SLC25A48: variants seen among roughly 807,000 people sequenced by gnomAD.
The protein encoded by SLC25A48 is solute carrier family 25 member 48, also known as CTC-321K16.1.
Under a neutral mutation model 32.2 loss-of-function variants are expected in SLC25A48, and 29 were observed. The observed-to-expected ratio is 0.90, with a 90% confidence interval of 0.67 to 1.23. SLC25A48 has a LOEUF of 1.23. Ranked by LOEUF, SLC25A48 falls within the 50% of genes most tolerant of loss-of-function variation. The probability of loss-of-function intolerance (pLI) is 0.00; values close to 1 mark genes in which losing one functional copy is unlikely to be tolerated. For missense variants in SLC25A48, 399 were observed against 422.7 expected (o/e 0.94, Z 0.49); for synonymous variants, 164 against 172.3 (o/e 0.95, Z 0.38).
intron 3 of SLC25A48, among the ~76,000 whole-genome samples, chr5:135,687,084 C>T (rs1754035237): frequency 1.3e-5 from 2 of 152,114 alleles, no homozygotes; most frequent in South Asian, 4.2e-4. Flanking sequence ...TTTTCATGCC[C>T]AAAGATCATG....
intron 3 of SLC25A48, chr5:135,742,344 G>T: frequency 3.6e-6 from 3 of 836,970 alleles, no homozygotes; most frequent in South Asian, 2.6e-5. Context: ...GCCTCCCACA[G>T]TGCTGGGATT....
intron 3 of SLC25A48, among the ~76,000 whole-genome samples, chr5:135,637,016 G>T (rs567883963): frequency 6.7e-4 from 102 of 152,310 alleles, no homozygotes; most frequent in Non-Finnish European, 9.4e-4. Flanking sequence ...TTAAAAGCCA[G>T]CTGCTGTGAA....
intron 1 of SLC25A48, among the ~76,000 whole-genome samples, chr5:135,606,457 C>G (rs1751933735): frequency 6.6e-6 from 1 of 152,226 alleles, no homozygotes; most frequent in African/African-American, 2.4e-5. Context: ...CAGAGCACCA[C>G]CAGGTCACAA....
intron 3 of SLC25A48, among the ~76,000 whole-genome samples, chr5:135,809,075 G>A (rs1444554613): frequency 2.6e-5 from 4 of 152,030 alleles, no homozygotes; most frequent in African/African-American, 9.7e-5. Context: ...GCTAAGACGG[G>A]AGGATCGCTT....
chr5:135,870,410 C>A (rs1761543239), intron 4 of SLC25A48, among the ~76,000 whole-genome samples: 1 of 152,204 alleles, frequency 6.6e-6, no homozygotes, highest in Non-Finnish European at 1.5e-5. Context: ...GCAGAGAAGA[C>A]AAGCATCAGA....
At chr5:135,860,532 C>T (rs866079998) in intron 4 of SLC25A48, among the ~76,000 whole-genome samples, 2 of 152,052 alleles carry the variant, frequency 1.3e-5, no homozygotes, top group African/African-American at 2.4e-5. Context: ...TTGGATCCTC[C>T]GATTTTTAAG....
intron 7 of SLC25A48, chr5:135,883,359 A>G (rs996609655): frequency 2.2e-5 from 22 of 985,122 alleles, no homozygotes; most frequent in African/African-American, 1.0e-4. Flanking sequence ...AGTAAAATAG[A>G]CCCTCCCCCC....
chr5:135,602,650 C>T (rs1224025357), intron 1 of SLC25A48, among the ~76,000 whole-genome samples: 1 of 145,854 alleles, frequency 6.9e-6, no homozygotes, highest in Non-Finnish European at 1.5e-5. Flanking sequence ...TTTTAGGGTA[C>T]ATGTGCACAA....
At chr5:135,658,968 C>T (rs115480084) in intron 3 of SLC25A48, among the ~76,000 whole-genome samples, 83 of 152,288 alleles carry the variant, frequency 5.5e-4, no homozygotes, top group Non-Finnish European at 1.0e-3. Context: ...CCTCTAGACC[C>T]GTGATGGGAG....
intron 3 of SLC25A48, among the ~76,000 whole-genome samples, chr5:135,784,729 G>T (rs1756794495): frequency 8.5e-6 from 1 of 117,940 alleles, no homozygotes; most frequent in African/African-American, 2.6e-5. Flanking sequence ...TCCCTCCATA[G>T]TATTTTTCCT....
chr5:135,803,863 C>T (rs1176162510), intron 3 of SLC25A48, among the ~76,000 whole-genome samples: 1 of 151,604 alleles, frequency 6.6e-6, no homozygotes, highest in Non-Finnish European at 1.5e-5. Context: ...TCACTGTCTA[C>T]ACCCTCTGTG....
At chr5:135,744,973 C>T (rs1466989249) in intron 3 of SLC25A48, among the ~76,000 whole-genome samples, 12 of 152,092 alleles carry the variant, frequency 7.9e-5, no homozygotes, top group East Asian at 5.8e-4. Context: ...AACCAGGAGG[C>T]GGAGGTTGCA....
At chr5:135,767,965 G>T (rs1378808626) in intron 3 of SLC25A48, among the ~76,000 whole-genome samples, 1 of 143,880 alleles carries the variant, frequency 7.0e-6, no homozygotes, top group East Asian at 2.1e-4. Flanking sequence ...CCGGGGGGGG[G>T]AGAGGATAAT....
chr5:135,859,447 G>A (rs1409690001), intron 4 of SLC25A48, among the ~76,000 whole-genome samples: 1 of 152,148 alleles, frequency 6.6e-6, no homozygotes, highest in Non-Finnish European at 1.5e-5. Context: ...GGGATTATGG[G>A]AGCTACAATT....
intron 1 of SLC25A48, among the ~76,000 whole-genome samples, chr5:135,589,777 C>T (rs1751465363): frequency 6.6e-6 from 1 of 152,188 alleles, no homozygotes; most frequent in Non-Finnish European, 1.5e-5. Context: ...TCACTGCAAC[C>T]TCTGCCTCCT....
chr5:135,792,158 A>G (rs143511954), intron 3 of SLC25A48, among the ~76,000 whole-genome samples: 1 of 151,952 alleles, frequency 6.6e-6, no homozygotes, highest in African/African-American at 2.4e-5. Context: ...TGTTACTCCT[A>G]ATGTAACTTG....
chr5:135,814,588 C>A (rs1406769429), intron 4 of SLC25A48, among the ~76,000 whole-genome samples: 1 of 152,166 alleles, frequency 6.6e-6, no homozygotes, highest in Non-Finnish European at 1.5e-5. Context: ...AGCAAGCATG[C>A]TTTTCCTGCA....
chr5:135,851,381 T>C (rs1036699806), intron 3 of SLC25A48, among the ~76,000 whole-genome samples: 1 of 152,202 alleles, frequency 6.6e-6, no homozygotes, highest in East Asian at 1.9e-4. Flanking sequence ...CACAGTCCCC[T>C]GAAAGCGGCT....
At chr5:135,714,495 G>A (rs902120381) in intron 3 of SLC25A48, among the ~76,000 whole-genome samples, 1 of 152,220 alleles carries the variant, frequency 6.6e-6, no homozygotes, top group Non-Finnish European at 1.5e-5. Context: ...TGTCGGGCTT[G>A]CAGTGGAAGC....
Sources: gnomAD v4.1 joint callset for allele counts (sites outside exome capture counted in the v4.1 genomes callset) on GRCh38, gnomAD v4.1.1 for gene constraint, MANE v1.5 for transcripts, NCBI Gene and HGNC (gene_info 2026-07-23, HGNC 2026-07-21) for gene names.